The following LDLRAD4 variants were observed in gnomAD, a reference collection of about 807,000 sequenced individuals.
The protein encoded by LDLRAD4 is low-density lipoprotein receptor class A domain-containing protein 4.
In LDLRAD4, 5 loss-of-function variants were observed where a neutral mutation model predicts 17.0. The ratio of observed to expected loss-of-function variants is 0.29; its 90% CI spans 0.15 to 0.62. The LOEUF (loss-of-function observed/expected upper bound fraction) is 0.62, where lower values mean the gene tolerates loss of function less well. Ranked by LOEUF, LDLRAD4 falls within the 20% of genes least tolerant of loss-of-function variation. The pLI, the probability that LDLRAD4 is intolerant of heterozygous loss-of-function variation, is 0.84. For missense variants in LDLRAD4, 340 were observed against 424.7 expected (o/e 0.80, Z 1.75); for synonymous variants, 168 against 171.8 (o/e 0.98, Z 0.17).
chr18:13,577,208 C>T (rs538732388), intron 3 of LDLRAD4, among the ~76,000 whole-genome samples: 1 of 152,254 alleles, frequency 6.6e-6, no homozygotes, highest in Non-Finnish European at 1.5e-5. Flanking sequence ...AACTCCTGGG[C>T]ATGCTGTTCC....
intron 4 of LDLRAD4, among the ~76,000 whole-genome samples, chr18:13,631,658 T>G (rs538778324): frequency 1.3e-5 from 2 of 152,338 alleles, no homozygotes; most frequent in South Asian, 4.1e-4. Flanking sequence ...CTGCGCACAG[T>G]GACTCACACC....
chr18:13,460,923 C>T (rs1213614972), intron 3 of LDLRAD4: 1 of 152,250 alleles, frequency 6.6e-6, no homozygotes, highest in Non-Finnish European at 1.5e-5. Flanking sequence ...GGCAGCTCTG[C>T]CTGGAACTGC....
intron 3 of LDLRAD4, among the ~76,000 whole-genome samples, chr18:13,580,510 G>T (rs1312797249): frequency 6.6e-6 from 1 of 152,252 alleles, no homozygotes; most frequent in African/African-American, 2.4e-5. Flanking sequence ...GTCGGCTGCT[G>T]CTGGGAGGAT....
chr18:13,364,025 A>G (rs1192389160), intron 1 of LDLRAD4, among the ~76,000 whole-genome samples: 2 of 152,202 alleles, frequency 1.3e-5, no homozygotes, highest in Non-Finnish European at 2.9e-5. Flanking sequence ...GGTCTGAAGT[A>G]TACTGAGGCC....
At chr18:13,268,008 A>G (rs905980860) in intron 1 of LDLRAD4, among the ~76,000 whole-genome samples, 2 of 152,144 alleles carry the variant, frequency 1.3e-5, no homozygotes, top group African/African-American at 2.4e-5. Context: ...GACGACAACT[A>G]CTACCCCCAG....
intron 3 of LDLRAD4, among the ~76,000 whole-genome samples, chr18:13,510,123 T>A (rs1055188232): frequency 2.0e-5 from 3 of 152,246 alleles, no homozygotes; most frequent in African/African-American, 7.2e-5. Flanking sequence ...CGAGTATGTC[T>A]GTGTTGTAGT....
exon 6 of LDLRAD4, chr18:13,647,322 C>T (rs1393230427): frequency 6.6e-6 from 1 of 152,146 alleles, no homozygotes; most frequent in Non-Finnish European, 1.5e-5. Context: ...ATAAGAGCAG[C>T]AGCCAACACG....
chr18:13,552,305 G>A (rs2094442631), intron 3 of LDLRAD4, among the ~76,000 whole-genome samples: 1 of 152,224 alleles, frequency 6.6e-6, no homozygotes, highest in Non-Finnish European at 1.5e-5. Flanking sequence ...GGGCAGTGCA[G>A]ACAGATTGCT....
intron 1 of LDLRAD4, among the ~76,000 whole-genome samples, chr18:13,246,323 G>A (rs563184763): frequency 1.1e-4 from 17 of 152,334 alleles, no homozygotes; most frequent in South Asian, 2.1e-4. Context: ...TGGGGATCTC[G>A]CTGCCCTGGC....
chr18:13,558,054 G>C (rs977177695), intron 3 of LDLRAD4, among the ~76,000 whole-genome samples: 1 of 152,180 alleles, frequency 6.6e-6, no homozygotes, highest in Non-Finnish European at 1.5e-5. Context: ...GGAGTAGGGC[G>C]CTCTGGGAAA....
chr18:13,485,815 G>T (rs989951065), intron 3 of LDLRAD4, among the ~76,000 whole-genome samples: 1 of 152,202 alleles, frequency 6.6e-6, no homozygotes, highest in Non-Finnish European at 1.5e-5. Flanking sequence ...GGAGTTTGAA[G>T]CTTCAGTGAG....
chr18:13,309,795 A>G (rs2047126646), intron 1 of LDLRAD4, among the ~76,000 whole-genome samples: 1 of 152,104 alleles, frequency 6.6e-6, no homozygotes, highest in Non-Finnish European at 1.5e-5. Context: ...TGACTGTACC[A>G]AAGACTCACA....
chr18:13,543,846 C>G (rs140075212), intron 3 of LDLRAD4, among the ~76,000 whole-genome samples: 1 of 152,224 alleles, frequency 6.6e-6, no homozygotes, highest in African/African-American at 2.4e-5. Flanking sequence ...CGACCGCCAA[C>G]GGGGCTACCT....
chr18:13,466,531 G>GA (rs1284646219), intron 3 of LDLRAD4, among the ~76,000 whole-genome samples: 2 of 143,552 alleles, frequency 1.4e-5, no homozygotes, highest in African/African-American at 5.1e-5. Context: ...TAGAATGAAA[G>GA]AAAAAAAATG....
chr18:13,359,034 A>G (rs910640051), intron 1 of LDLRAD4, among the ~76,000 whole-genome samples: 2 of 152,184 alleles, frequency 1.3e-5, no homozygotes, highest in African/African-American at 2.4e-5. Flanking sequence ...CTGAAAACCA[A>G]CAGAATCCCA....
intron 3 of LDLRAD4, among the ~76,000 whole-genome samples, chr18:13,574,038 TTGG>T (rs1164022165): frequency 1.3e-5 from 2 of 152,130 alleles, no homozygotes; most frequent in South Asian, 2.1e-4. Flanking sequence ...GCCTTGGCTG[TTGG>T]TGAAGACACT....
At chr18:13,503,026 C>T (rs1456699680) in intron 3 of LDLRAD4, among the ~76,000 whole-genome samples, 1 of 152,176 alleles carries the variant, frequency 6.6e-6, no homozygotes, top group Non-Finnish European at 1.5e-5. Context: ...TTAACATGAA[C>T]CTGAGAGGCT....
chr18:13,333,836 G>T (rs1235648410), intron 1 of LDLRAD4, among the ~76,000 whole-genome samples: 1 of 152,188 alleles, frequency 6.6e-6, no homozygotes, highest in Non-Finnish European at 1.5e-5. Context: ...GTCAGGTAGT[G>T]CTAGCACATT....
intron 1 of LDLRAD4, among the ~76,000 whole-genome samples, chr18:13,357,887 A>G (rs1298742507): frequency 6.6e-6 from 1 of 152,142 alleles, no homozygotes; most frequent in African/African-American, 2.4e-5. Flanking sequence ...TTTTACATAT[A>G]ATTATGAACT....
Sources: allele counts gnomAD v4.1 joint callset (sites outside exome capture counted in the v4.1 genomes callset), GRCh38; gene constraint gnomAD v4.1.1; transcripts MANE v1.5; gene names NCBI Gene and HGNC (gene_info 2026-07-23, HGNC 2026-07-21).